Variants in MSRA observed in about 807,000 individuals in gnomAD.
MSRA encodes mitochondrial peptide methionine sulfoxide reductase.
A neutral mutation model predicts 31.3 loss-of-function variants in MSRA; 54 were observed. That is an observed-to-expected ratio of 1.73 (90% CI 1.39 to 2.17). The LOEUF (loss-of-function observed/expected upper bound fraction) is 2.17, where lower values mean the gene tolerates loss of function less well. Among genes scored for constraint, MSRA ranks in the 30% most tolerant of loss-of-function variants. The pLI is 0.00. For synonymous variants in MSRA, 169 were observed against 116.5 expected, an observed-to-expected ratio of 1.45 and a Z score of -2.90; for missense variants, 507 against 300.9, an observed-to-expected ratio of 1.69 and a Z score of -5.07.
At chr8:10,113,001 C>G (rs1048353060) in intron 1 of MSRA, among the ~76,000 whole-genome samples, 27 of 152,136 alleles carry the variant, frequency 1.8e-4, no homozygotes, top group African/African-American at 6.3e-4. Context: ...CAGTGTCACC[C>G]CTGCAGTGAC....
At chr8:10,413,868 A>C (rs1189153386) in intron 5 of MSRA, among the ~76,000 whole-genome samples, 1 of 152,160 alleles carries the variant, frequency 6.6e-6, no homozygotes, top group Non-Finnish European at 1.5e-5. Context: ...CTGAATTGTA[A>C]AGTTTGAAAG....
chr8:10,353,704 C>G, intron 5 of MSRA: 1 of 454,618 alleles, frequency 2.2e-6, no homozygotes, highest in Middle Eastern at 3.3e-4. Flanking sequence ...TTGTCTGTCC[C>G]TGTACCTGCC....
intron 5 of MSRA, among the ~76,000 whole-genome samples, chr8:10,420,952 A>T (rs1469802170): frequency 1.3e-5 from 2 of 151,850 alleles, no homozygotes; most frequent in African/African-American, 4.8e-5. Context: ...AGCCCTGATC[A>T]CGCCACTGCA....
chr8:10,106,568 C>T (rs764781763), intron 1 of MSRA, among the ~76,000 whole-genome samples: 1 of 152,174 alleles, frequency 6.6e-6, no homozygotes, highest in South Asian at 2.1e-4. Flanking sequence ...GGCAGACACA[C>T]ACACCACACA....
At chr8:10,116,077 C>T (rs933457398) in intron 1 of MSRA, among the ~76,000 whole-genome samples, 4 of 152,114 alleles carry the variant, frequency 2.6e-5, no homozygotes, top group South Asian at 2.1e-4. Flanking sequence ...GCTTGGCGGT[C>T]TGCCCTCATG....
intron 5 of MSRA, among the ~76,000 whole-genome samples, chr8:10,390,544 T>C (rs1169368324): frequency 6.6e-6 from 1 of 152,166 alleles, no homozygotes; most frequent in Non-Finnish European, 1.5e-5. Context: ...GGAAGCAAAA[T>C]GAAGACTTCT....
chr8:10,180,523 G>C (rs956200985), intron 1 of MSRA, among the ~76,000 whole-genome samples: 14 of 152,162 alleles, frequency 9.2e-5, no homozygotes, highest in African/African-American at 3.1e-4. Flanking sequence ...TAATGACCTA[G>C]TTGGTTCCTC....
chr8:10,326,072 A>T (rs1038913932), intron 5 of MSRA, among the ~76,000 whole-genome samples: 6 of 152,184 alleles, frequency 3.9e-5, no homozygotes, highest in Non-Finnish European at 7.3e-5. Flanking sequence ...CCCCATCACT[A>T]CATTCGGGAC....
At chr8:10,423,054 G>A (rs1808909141) in intron 5 of MSRA, among the ~76,000 whole-genome samples, 1 of 152,180 alleles carries the variant, frequency 6.6e-6, no homozygotes, top group Admixed American at 6.5e-5. Flanking sequence ...CTCCTTATTG[G>A]AAGGCGCCTA....
intron 5 of MSRA, among the ~76,000 whole-genome samples, chr8:10,417,820 A>C (rs759873443): frequency 8.0e-6 from 1 of 124,656 alleles, no homozygotes; most frequent in African/African-American, 2.9e-5. Context: ...CAAGCATAGC[A>C]TGGAATTTGA....
chr8:10,276,018 A>G (rs1397607025), intron 3 of MSRA, among the ~76,000 whole-genome samples: 2 of 152,222 alleles, frequency 1.3e-5, no homozygotes, highest in Non-Finnish European at 2.9e-5. Flanking sequence ...TTGCTCCAAC[A>G]CTGGCTGGTG....
intron 4 of MSRA, among the ~76,000 whole-genome samples, chr8:10,316,410 C>T (rs575299169): frequency 1.5e-4 from 23 of 152,126 alleles, no homozygotes; most frequent in Non-Finnish European, 3.1e-4. Context: ...TGGGAGAGGG[C>T]AGGGATATGG....
chr8:10,363,496 C>G (rs1286295058), intron 5 of MSRA, among the ~76,000 whole-genome samples: 5 of 152,140 alleles, frequency 3.3e-5, no homozygotes, highest in African/African-American at 4.8e-5. Context: ...TATCTTCCCT[C>G]CAGGCCCTAC....
At chr8:10,108,312 C>G (rs1475345361) in intron 1 of MSRA, among the ~76,000 whole-genome samples, 1 of 152,154 alleles carries the variant, frequency 6.6e-6, no homozygotes, top group Non-Finnish European at 1.5e-5. Context: ...TTGATTCATT[C>G]ACATTAACTC....
At chr8:10,335,076 G>A (rs116545847) in intron 5 of MSRA, among the ~76,000 whole-genome samples, 2,718 of 152,258 alleles carry the variant, frequency 0.018, 74 homozygotes, top group African/African-American at 0.061. Flanking sequence ...GTTGCAGGAC[G>A]GGCCGGGCGC....
chr8:10,087,249 G>T (rs981465461), intron 1 of MSRA, among the ~76,000 whole-genome samples: 3 of 152,180 alleles, frequency 2.0e-5, no homozygotes, highest in African/African-American at 7.2e-5. Flanking sequence ...GTATGTTGGT[G>T]GATGACTCAT....
chr8:10,118,165 T>C (rs6995837), intron 1 of MSRA, among the ~76,000 whole-genome samples: 76,798 of 152,032 alleles, frequency 0.51, 20,382 homozygotes, highest in East Asian at 0.95. Context: ...TTCCTCTTTC[T>C]CATGTTGGAG....
At chr8:10,417,811 A>C (rs567964279) in intron 5 of MSRA, among the ~76,000 whole-genome samples, 1 of 100,354 alleles carries the variant, frequency 1.0e-5, no homozygotes, top group East Asian at 2.9e-4. Flanking sequence ...CACGCAGGAC[A>C]AGCATAGCAT....
At chr8:10,295,199 G>A (rs1272259556) in intron 3 of MSRA, among the ~76,000 whole-genome samples, 1 of 152,054 alleles carries the variant, frequency 6.6e-6, no homozygotes, top group Non-Finnish European at 1.5e-5. Flanking sequence ...AAGTTCCGGG[G>A]CATTGGGTTC....
Sources: allele counts gnomAD v4.1 joint callset (sites outside exome capture counted in the v4.1 genomes callset), GRCh38; gene constraint gnomAD v4.1.1; transcripts MANE v1.5; gene names NCBI Gene and HGNC (gene_info 2026-07-23, HGNC 2026-07-21).